Variants in IQSEC1 observed in about 807,000 individuals in gnomAD.
The protein encoded by IQSEC1 is IQ motif and SEC7 domain-containing protein 1.
IQSEC1 carries 31 observed loss-of-function variants against 91.0 expected under a neutral mutation model. The ratio of observed to expected loss-of-function variants is 0.34; its 90% CI spans 0.26 to 0.46. IQSEC1 has a LOEUF of 0.46. Among genes scored for constraint, IQSEC1 ranks in the 20% least tolerant of loss-of-function variants. The pLI is 1.00. For missense variants in IQSEC1, 1,388 were observed against 1,575.6 expected, an observed-to-expected ratio of 0.88 and a Z score of 2.02; for synonymous variants, 699 against 662.6, an observed-to-expected ratio of 1.05 and a Z score of -0.84.
At chr3:13,277,042 G>A (rs966998741) in intron 1 of IQSEC1, among the ~76,000 whole-genome samples, 5 of 139,236 alleles carry the variant, frequency 3.6e-5, no homozygotes, top group Middle Eastern at 3.9e-3. Flanking sequence ...GCAATTATAC[G>A]GCTGACACCC....
rs73813513 is a variant in IQSEC1, at chr3:13,232,269, A to G, written c.272+50442T>C. The stretch of plus-strand genomic sequence containing the variant: ...CCTATCATAGACAGGAGGAAACAAG[A>G]ACATGGGCCAAGGTGCCCAGCTAGC... On this transcript the variant is annotated intron_variant, in intron 1 of 15. Transcript: ENST00000648114. Among the ~76,000 whole-genome samples, 925 of 152,314 alleles carry G rather than the reference A, an allele frequency of 6.1e-3. 6 individuals carry two copies. Among genetic ancestry groups the G allele is most frequent in the African/African-American group, 0.021 (873 of 41,566 alleles).
intron 1 of IQSEC1, among the ~76,000 whole-genome samples, chr3:13,268,752 A>G (rs1209239651): frequency 2.0e-5 from 3 of 152,208 alleles, no homozygotes; most frequent in African/African-American, 7.2e-5. Context: ...ACCCTTGTCC[A>G]TGTAACAATC....
chr3:13,072,935 C>G (rs1705485332), intron 1 of IQSEC1, 57 bp downstream of exon 1: 1 of 1,479,410 alleles, frequency 6.8e-7, no homozygotes, highest in Admixed American at 2.0e-5. Context: ...CAGCTCCCAG[C>G]TCAGCCGGGC....
chr3:13,196,544 GCA>G (rs1468651989), intron 1 of IQSEC1, among the ~76,000 whole-genome samples: 3 of 152,350 alleles, frequency 2.0e-5, no homozygotes, highest in Middle Eastern at 3.4e-3. Flanking sequence ...TGCTTGCCCT[GCA>G]CGTCTGGCTG....
chr3:13,185,136 G>A (rs1197101658), intron 1 of IQSEC1, among the ~76,000 whole-genome samples: 1 of 152,130 alleles, frequency 6.6e-6, no homozygotes, highest in African/African-American at 2.4e-5. Context: ...GTGGCTTTTG[G>A]GCAGGGAAAC....
At chr3:12,917,192 G>A (rs770827016) in intron 6 of IQSEC1, among the ~76,000 whole-genome samples, 5 of 152,066 alleles carry the variant, frequency 3.3e-5, no homozygotes, top group South Asian at 2.1e-4. Flanking sequence ...CCACGCTGTC[G>A]CCATCCTCAC....
intron 1 of IQSEC1, among the ~76,000 whole-genome samples, chr3:13,057,693 C>T (rs964217001): frequency 5.3e-5 from 8 of 152,222 alleles, no homozygotes; most frequent in African/African-American, 1.9e-4. Context: ...GCCTGCCAGC[C>T]TGGGGGCCCT....
intron 1 of IQSEC1, among the ~76,000 whole-genome samples, chr3:13,244,574 T>C (rs1027250961): frequency 2.0e-5 from 3 of 152,050 alleles, no homozygotes; most frequent in African/African-American, 7.2e-5. Context: ...AGTGGACTAG[T>C]CTATTGATTT....
chr3:13,178,988 A>T (rs1054575329), intron 1 of IQSEC1, among the ~76,000 whole-genome samples: 2 of 152,254 alleles, frequency 1.3e-5, no homozygotes, highest in African/African-American at 4.8e-5. Context: ...AGACAGTGAG[A>T]TGCAGGACCC....
Position 12,908,492 on chromosome 3 carries a change from G to T in IQSEC1, c.2612C>A (p.Pro871His). Residue 871 changes from proline to histidine, a missense_variant, in exon 12 of 14, where the codon CCC (proline) becomes CAC (histidine). Pro to His is a moderately conservative substitution (Grantham distance 77, BLOSUM62 -2). Transcript: ENST00000613206. This position sits in a 1 kb window ranked among gnomAD's most constrained non-coding sequence, Gnocchi z 4.9. ...ELEKQKGVVR[P>H]SMSQCSSLKK... Reference sequence around the variant, plus strand: ...GAGGCTAGAGCACTGGGACATGCTGGGCCGCACGACGCCTTTCTGCTTCTC... The same window carrying T: ...GAGGCTAGAGCACTGGGACATGCTGTGCCGCACGACGCCTTTCTGCTTCTC... 1 of 1,613,644 alleles carries T rather than the reference G, an allele frequency of 6.2e-7. No individual in the cohort carries two copies. Among genetic ancestry groups the T allele is most frequent in the Non-Finnish European group, 8.5e-7 (1 of 1,180,022 alleles).
chr3:13,235,864 T>C (rs1174751009), intron 1 of IQSEC1, among the ~76,000 whole-genome samples: 1 of 152,192 alleles, frequency 6.6e-6, no homozygotes, highest in African/African-American at 2.4e-5. Flanking sequence ...ATCCTGTTCT[T>C]ATGCCGCCCC....
intron 1 of IQSEC1, among the ~76,000 whole-genome samples, chr3:13,277,137 A>AAAAAAAAAAAAAAAC (rs60347391): frequency 2.5e-5 from 3 of 118,328 alleles, no homozygotes; most frequent in African/African-American, 7.3e-5. Flanking sequence ...AAAAAAAAAA[A>AAAAAAAAAAAAAAAC]CAGAAAACAA....
chr3:13,148,567 T>G (rs1448248620), intron 2 of IQSEC1, among the ~76,000 whole-genome samples: 2 of 152,248 alleles, frequency 1.3e-5, no homozygotes, highest in African/African-American at 4.8e-5. Flanking sequence ...GTTTTGTTTT[T>G]GGTATGAAAT....
Position 12,935,911 on chromosome 3 carries a change from C to CG in IQSEC1, c.1104dup (p.Glu369ArgfsTer11). ...TCCACAGAGCTGTCGCTGGGTGGCT[C>CG]GATGGTGAGCAGCGGCAGATGCTCC... is the stretch of plus-strand genomic sequence containing the variant. On this transcript the variant is annotated frameshift_variant, in exon 3 of 14. Transcript: ENST00000613206. LOFTEE classifies it high-confidence loss of function. The surrounding 1 kb of genome is among the most constrained non-coding windows in gnomAD (Gnocchi z 8.0). 6.2e-7 allele frequency: 1 copy of CG among 1,601,536 alleles called. No homozygotes were observed. Among genetic ancestry groups the CG allele is most frequent in the Non-Finnish European group, 8.5e-7 (1 of 1,179,508 alleles).
chr3:13,272,609 G>A (rs1209472105), intron 1 of IQSEC1, among the ~76,000 whole-genome samples: 2 of 152,146 alleles, frequency 1.3e-5, no homozygotes, highest in East Asian at 1.9e-4. Context: ...GAGTCACCCC[G>A]CACACCCCTT....
chr3:13,197,031 A>T (rs1308093873), intron 1 of IQSEC1, among the ~76,000 whole-genome samples: 1 of 152,104 alleles, frequency 6.6e-6, no homozygotes, highest in East Asian at 1.9e-4. Flanking sequence ...CCTTGCCACG[A>T]CACTGCCTCC....
At chr3:13,033,074 A>G (rs186418954) in intron 1 of IQSEC1, among the ~76,000 whole-genome samples, 2 of 149,564 alleles carry the variant, frequency 1.3e-5, no homozygotes, top group East Asian at 4.1e-4. Flanking sequence ...TTAAAATTCA[A>G]TATTTTGTTT....
chr3:13,203,164 T>TACACACACACACAC (rs10533324), intron 1 of IQSEC1, among the ~76,000 whole-genome samples: 1 of 148,120 alleles, frequency 6.8e-6, no homozygotes, highest in Admixed American at 6.7e-5. Flanking sequence ...TTACCACTAC[T>TACACACACACACAC]ACACACACAC....
chr3:13,246,621 G>A (rs530386166), intron 1 of IQSEC1, among the ~76,000 whole-genome samples: 17 of 152,314 alleles, frequency 1.1e-4, no homozygotes, highest in African/African-American at 3.4e-4. Flanking sequence ...GGCGGCAGGC[G>A]GCAGACCCCT....
Sources: allele counts gnomAD v4.1 joint callset (sites outside exome capture counted in the v4.1 genomes callset), GRCh38; gene constraint gnomAD v4.1.1; non-coding constraint Gnocchi (gnomAD v3.1); transcripts MANE v1.5; gene names NCBI Gene and HGNC (gene_info 2026-07-23, HGNC 2026-07-21).